TADA2A: variants seen among roughly 807,000 people sequenced by gnomAD.
The protein encoded by TADA2A is transcriptional adapter 2-alpha.
TADA2A carries 38 observed loss-of-function variants against 67.4 expected under a neutral mutation model. The observed-to-expected ratio is 0.56, with a 90% confidence interval of 0.44 to 0.74. The LOEUF (loss-of-function observed/expected upper bound fraction) is 0.74, where lower values mean the gene tolerates loss of function less well. Among genes scored for constraint, TADA2A ranks in the 30% least tolerant of loss-of-function variants. TADA2A has a pLI of 0.00. For missense variants in TADA2A, 454 were observed against 547.0 expected, an observed-to-expected ratio of 0.83 and a Z score of 1.70; for synonymous variants, 192 against 181.6, an observed-to-expected ratio of 1.06 and a Z score of -0.46.
intron 8 of TADA2A, among the ~76,000 whole-genome samples, chr17:37,446,096 T>G (rs1263813899): frequency 1.0e-4 from 12 of 119,418 alleles, no homozygotes; most frequent in South Asian, 2.7e-4. Context: ...GGTTTTTTTT[T>G]GGGGGGGTTT....
At chr17:37,454,711 C>A in intron 8 of TADA2A, 2 of 344,672 alleles carry the variant, frequency 5.8e-6, no homozygotes, top group South Asian at 3.1e-5. Context: ...CAGTCAAATT[C>A]CAGAAGGCCA....
At chr17:37,462,965 G>GT (rs1285067851) in intron 10 of TADA2A, among the ~76,000 whole-genome samples, 3 of 152,018 alleles carry the variant, frequency 2.0e-5, no homozygotes, top group Non-Finnish European at 2.9e-5. Flanking sequence ...CCTTACTGTG[G>GT]TTTTTTGTTG....
chr17:37,446,627 T>A (rs879569930), intron 8 of TADA2A, among the ~76,000 whole-genome samples: 2 of 151,930 alleles, frequency 1.3e-5, no homozygotes, highest in Admixed American at 1.3e-4. Context: ...AACAAATTTT[T>A]AAAATATTAT....
At chr17:37,476,396 A>G (rs1184514961) in intron 15 of TADA2A, among the ~76,000 whole-genome samples, 1 of 152,168 alleles carries the variant, frequency 6.6e-6, no homozygotes, top group Non-Finnish European at 1.5e-5. Context: ...TGAGAATCCA[A>G]GTGTCTGTGC....
At position 37,432,025 on chromosome 17, in the gene TADA2A, A is replaced by G. The variant is rs189299471; in HGVS notation, c.192+5016A>G. ...TATCTAAAACCCTGCTGCCTTTTTT[A>G]CCCTTGAAACAATCACTGTTCTGAT... On this transcript the variant is annotated intron_variant, in intron 4 of 15. Transcript: ENST00000615182. Among the ~76,000 whole-genome samples the G allele has an allele frequency of 7.6e-4, 115 of 151,028 alleles. 1 individual carries two copies. The Middle Eastern group carries it at 0.017, about 22-fold the overall frequency.
rs773980698 is a variant in TADA2A at position 37,470,462 on chromosome 17, C to T, written c.958C>T (p.Leu320Phe). 6.2e-7 allele frequency: 1 copy of T among 1,612,916 alleles called. No homozygotes were observed. The highest frequency in any genetic ancestry group is 2.2e-5 in the East Asian group (1 of 44,772). The change falls in exon 13 of 16, where the codon CTC (leucine) becomes TTC (phenylalanine). Residue 320 changes from leucine to phenylalanine, a missense_variant. Around this residue, in one of 2 missense-constraint regions of TADA2A, gnomAD observed 403 missense variants for 455.5 expected, o/e 0.88. Transcript: ENST00000615182. The part of the protein sequence containing the change: ...REEERLKRTM[L>F]SEVLQYIQDS... ...GGAAGAGCGCCTTAAACGCACTATGCTCTCAGAAGTTCTCCAGTATATCCA... is the reference window on the plus strand; with the variant it reads ...GGAAGAGCGCCTTAAACGCACTATGTTCTCAGAAGTTCTCCAGTATATCCA...
intron 4 of TADA2A, among the ~76,000 whole-genome samples, chr17:37,430,314 C>G (rs1465076500): frequency 6.6e-6 from 1 of 152,112 alleles, no homozygotes; most frequent in African/African-American, 2.4e-5. Flanking sequence ...TTTTTGTGGC[C>G]CATCTTATTT....
At chr17:37,470,750 T>G (rs2053769222) in intron 13 of TADA2A, among the ~76,000 whole-genome samples, 1 of 152,146 alleles carries the variant, frequency 6.6e-6, no homozygotes, top group African/African-American at 2.4e-5. Context: ...ATCCTATTTT[T>G]TAAAATGAGT....
intron 8 of TADA2A, among the ~76,000 whole-genome samples, chr17:37,455,858 G>T (rs1270767473): frequency 6.6e-6 from 1 of 152,012 alleles, no homozygotes; most frequent in African/African-American, 2.4e-5. Flanking sequence ...GTGTGATCTT[G>T]GGCCATTTGT....
At chr17:37,475,496 A>T (rs772148072) in intron 15 of TADA2A, among the ~76,000 whole-genome samples, 1 of 143,892 alleles carries the variant, frequency 6.9e-6, no homozygotes, top group Non-Finnish European at 1.5e-5. Context: ...TTTTTATTTG[A>T]AAGTCTCGCT....
chr17:37,462,046 A>G, intron 9 of TADA2A, 32 bp from the exon 10 acceptor site: 1 of 1,497,014 alleles, frequency 6.7e-7, no homozygotes, highest in Non-Finnish European at 9.2e-7. Context: ...AAATAATTCT[A>G]ATGCACAAAT....
At chr17:37,460,445 A>G (rs2053521540) in intron 9 of TADA2A, among the ~76,000 whole-genome samples, 1 of 151,816 alleles carries the variant, frequency 6.6e-6, no homozygotes, top group Non-Finnish European at 1.5e-5. Context: ...CAGTTTCCCC[A>G]TGTTGGCCAG....
intron 2 of TADA2A, among the ~76,000 whole-genome samples, chr17:37,421,746 C>G (rs1168578447): frequency 6.8e-6 from 1 of 146,576 alleles, no homozygotes; most frequent in Non-Finnish European, 1.5e-5. Flanking sequence ...GAGGCATGAT[C>G]GTGCAACCAC....
At chr17:37,429,175 C>T (rs1399943398) in intron 4 of TADA2A, among the ~76,000 whole-genome samples, 1 of 152,010 alleles carries the variant, frequency 6.6e-6, no homozygotes, top group African/African-American at 2.4e-5. Flanking sequence ...TCAAGTGATC[C>T]TCCCACCTCA....
At chr17:37,433,394 C>T (rs1248183222) in intron 4 of TADA2A, among the ~76,000 whole-genome samples, 1 of 152,068 alleles carries the variant, frequency 6.6e-6, no homozygotes, top group Non-Finnish European at 1.5e-5. Flanking sequence ...GCGGTGGCTC[C>T]TTCCTGTAAT....
At position 37,426,973 on chromosome 17, in the gene TADA2A, C is replaced by T. The variant is rs767374870; in HGVS notation, c.156C>T (p.Tyr52=). Residue 52 remains tyrosine, a synonymous_variant, in exon 4 of 16, where the codon TAC becomes TAT. Transcript: ENST00000615182. Reference sequence around the variant, plus strand: ...AGTGTTTCACTCGAGGCTTTGAGTACAAGAAACATCAAAGCGATCATACTT... The same window carrying T: ...AGTGTTTCACTCGAGGCTTTGAGTATAAGAAACATCAAAGCGATCATACTT... ...CLQCFTRGFE[Y]KKHQSDHTYE... is the part of the protein sequence containing the mutation. 3.8e-6 allele frequency: 6 copies of T among 1,596,030 alleles called. No homozygotes were observed. The highest frequency in any genetic ancestry group is 4.3e-6 in the Non-Finnish European group (5 of 1,174,988).
chr17:37,408,769 C>G (rs1464782952), intron 1 of TADA2A, among the ~76,000 whole-genome samples: 4 of 152,072 alleles, frequency 2.6e-5, no homozygotes, highest in Non-Finnish European at 5.9e-5. Context: ...TCGTAATACA[C>G]CCTTGCTAGA....
intron 4 of TADA2A, among the ~76,000 whole-genome samples, chr17:37,436,083 A>G (rs917655287): frequency 2.0e-5 from 3 of 152,120 alleles, no homozygotes; most frequent in African/African-American, 4.8e-5. Context: ...CAAGCCAAAA[A>G]TTATACTTCC....
Position 37,435,602 on chromosome 17 carries a change from A to G in TADA2A, c.193-2136A>G, listed in dbSNP as rs1483679008. ...TGTGCCCGGCCTGTTTTTGGTTTTT[A>G]TGAGACAGAGTCTCTTGCCCAGGCG... On this transcript the variant is annotated intron_variant, in intron 4 of 15. Transcript: ENST00000615182. Among the ~76,000 whole-genome samples the G allele has an allele frequency of 2.7e-5, 4 of 150,578 alleles. No homozygotes were observed. In the East Asian group the frequency reaches 8.0e-4, roughly 30 times the overall value.
Sources: gnomAD v4.1 joint callset for allele counts (sites outside exome capture counted in the v4.1 genomes callset) on GRCh38, gnomAD v4.1.1 for gene constraint, gnomAD v4.1.1 regional missense constraint, MANE v1.5 for transcripts, NCBI Gene and HGNC (gene_info 2026-07-23, HGNC 2026-07-21) for gene names.